AQP3: variants seen among roughly 807,000 people sequenced by gnomAD.
AQP3 encodes aquaporin 3 (Gill blood group).
Under a neutral mutation model 30.3 loss-of-function variants are expected in AQP3, and 15 were observed. That is an observed-to-expected ratio of 0.49 (90% CI 0.33 to 0.76). AQP3 has a LOEUF of 0.76. AQP3 is among the 30% of genes least tolerant of loss of function. The pLI is 0.02. For missense variants in AQP3, 272 were observed against 384.8 expected (o/e 0.71, Z 2.45); for synonymous variants, 153 against 163.2 (o/e 0.94, Z 0.47).
At chr9:33,445,309 A>C (rs1374142335) in intron 1 of AQP3, among the ~76,000 whole-genome samples, 1 of 152,186 alleles carries the variant, frequency 6.6e-6, no homozygotes, top group Non-Finnish European at 1.5e-5. Context: ...TTATGCCCAC[A>C]GAGCAGGCAG....
chr9:33,442,743 T>C, intron 4 of AQP3, 109 bp downstream of exon 4: 2 of 1,215,756 alleles, frequency 1.6e-6, no homozygotes, highest in East Asian at 4.7e-5. Flanking sequence ...CCCCACAGAT[T>C]GGAGAAACCC....
At position 33,443,056 on chromosome 9, in the gene AQP3, T is replaced by C; in HGVS notation, c.374-86A>G. 3.9e-6 allele frequency: 5 copies of C among 1,267,132 alleles called. No homozygotes were observed. Among genetic ancestry groups the C allele is most frequent in the East Asian group, 4.8e-5 (2 of 41,744 alleles). The allele number at this position is 1,267,132 out of a possible 1,614,324, so 78.5% of individuals were successfully genotyped here. A position where few individuals can be genotyped will look rare whatever the true frequency, so the allele number is the denominator to read the frequency against. ...CAGGTGTGCCCTCCCCACCCTCCCA[T>C]GAGTTATGGGTAAGTAGCAATACTG... On this transcript the variant is annotated intron_variant, in intron 3 of 5. Transcript: ENST00000297991. The surrounding 1 kb of genome is among the most constrained non-coding windows in gnomAD (Gnocchi z 5.0).
intron 1 of AQP3, among the ~76,000 whole-genome samples, chr9:33,444,599 C>CAA (rs34738732): frequency 3.5e-5 from 4 of 113,214 alleles, no homozygotes; most frequent in African/African-American, 1.4e-4. Context: ...GACTCCATCT[C>CAA]AAAAAAAAAA....
At position 33,443,086 on chromosome 9, in the gene AQP3, A is replaced by T; in HGVS notation, c.374-116T>A. The T allele has an allele frequency of 3.9e-6, 4 of 1,038,836 alleles. No individual in the cohort carries two copies. Among genetic ancestry groups the T allele is most frequent in the Non-Finnish European group, 5.9e-6 (4 of 678,494 alleles). 64.4% of individuals were successfully genotyped at this position (1,038,836 alleles called of 1,614,324 possible). A position where few individuals can be genotyped will look rare whatever the true frequency, so the allele number is the denominator to read the frequency against. ...TATGGGTAAGTAGCAATACTGCTGT[A>T]TTGCAGCAGGCAGAGGGGGTGGCGT... On this transcript the variant is annotated intron_variant, in intron 3 of 5. Transcript: ENST00000297991. The surrounding 1 kb of genome is among the most constrained non-coding windows in gnomAD (Gnocchi z 5.0).
chr9:33,441,737 ATGC>A lies in AQP3; in HGVS notation c.*303_*305del. Reference sequence around the variant, plus strand: ...CACACACACACACCCCTGCACACACATGCACACACATGCACACACATGCACACA... The same window carrying A: ...CACACACACACACCCCTGCACACACAACACACATGCACACACATGCACACA... On this transcript the variant is annotated 3_prime_UTR_variant, in exon 6 of 6. Coordinates refer to ENST00000297991, the MANE Select transcript of AQP3 (RefSeq NM_004925.5). 1 of 495,612 alleles carries A rather than the reference ATGC, an allele frequency of 2.0e-6. No individual in the cohort carries two copies. The highest frequency in any genetic ancestry group is 3.0e-5 in the East Asian group (1 of 33,318). 30.7% of individuals were successfully genotyped at this position (495,612 alleles called of 1,614,324 possible). A position where few individuals can be genotyped will look rare whatever the true frequency, so the allele number is the denominator to read the frequency against.
Position 33,443,326 on chromosome 9 carries a change from T to C in AQP3, c.368A>G (p.Tyr123Cys), listed in dbSNP as rs1826868168. Residue 123 changes from tyrosine (Y) to cysteine (C), a missense_variant, in exon 3 of 6, where the codon TAT becomes TGT. Physicochemically the swap from Tyr to Cys is radical, Grantham distance 194. Coordinates refer to ENST00000297991, the MANE Select transcript of AQP3 (RefSeq NM_004925.5). The surrounding 1 kb of genome is among the most constrained non-coding windows in gnomAD (Gnocchi z 5.0). ...FLGAGIVFGL[Y>C]YDAIWHFADN... The stretch of plus-strand genomic sequence containing the variant: ...ACAGGGTGGGGAATGCTTACCATAA[T>C]ACAGCCCAAAAACTATTCCAGCACC... 1 of 1,580,934 alleles carries C rather than the reference T, an allele frequency of 6.3e-7. No individual in the cohort carries two copies. The highest frequency in any genetic ancestry group is 2.3e-5 in the East Asian group (1 of 43,230).
chr9:33,444,078 C>T (rs7847830), intron 1 of AQP3, among the ~76,000 whole-genome samples, 186 bp from the exon 2 acceptor site: 1 of 152,222 alleles, frequency 6.6e-6, no homozygotes, highest in South Asian at 2.1e-4. Flanking sequence ...CCTTCCCACC[C>T]CACTGTCCCA....
chr9:33,443,590 T>C lies in AQP3; in HGVS notation c.236-132A>G, dbSNP rs1027686364. Reference sequence around the variant, plus strand: ...TTGGTCTATGTAACAGGTCAGCTGATAATCTCTGATTCCAAGGTGAGAGTC... The same window carrying C: ...TTGGTCTATGTAACAGGTCAGCTGACAATCTCTGATTCCAAGGTGAGAGTC... On this transcript the variant is annotated intron_variant, in intron 2 of 5. Coordinates refer to ENST00000297991, the MANE Select transcript of AQP3 (RefSeq NM_004925.5). The surrounding 1 kb of genome is among the most constrained non-coding windows in gnomAD (Gnocchi z 5.0). The C allele has an allele frequency of 2.1e-6, 3 of 1,438,346 alleles. No individual in the cohort carries two copies. Among genetic ancestry groups the C allele is most frequent in the African/African-American group, 2.8e-5 (2 of 70,922 alleles). The allele number at this position is 1,438,346 out of a possible 1,614,324, so 89.1% of individuals were successfully genotyped here.
intron 4 of AQP3, 136 bp from the exon 5 acceptor site, chr9:33,442,654 TAGAATGTCTGCGTGACA>T (rs1198507904): frequency 1.8e-6 from 2 of 1,137,850 alleles, no homozygotes; most frequent in Non-Finnish European, 2.6e-6. Flanking sequence ...GCAATGGTGC[TAGAATGTCTGCGTGACA>T]AGAACCCGCT....
intron 1 of AQP3, 130 bp downstream of exon 1, chr9:33,447,293 T>A: frequency 1.2e-6 from 1 of 817,220 alleles, no homozygotes; most frequent in South Asian, 1.5e-5. Context: ...CCTCCGCGGT[T>A]AAGCGTGGGG....
chr9:33,445,779 C>G (rs932487976), intron 1 of AQP3, among the ~76,000 whole-genome samples: 3 of 152,168 alleles, frequency 2.0e-5, no homozygotes, highest in African/African-American at 7.2e-5. Flanking sequence ...CAAAGCCAAC[C>G]CTGATTCTGC....
Position 33,443,214 on chromosome 9 carries a change from C to G in AQP3, c.373+107G>C. 6.8e-7 allele frequency: 1 copy of G among 1,474,486 alleles called. No individual in the cohort carries two copies. The allele number at this position is 1,474,486 out of a possible 1,614,324, so 91.3% of individuals were successfully genotyped here. A position where few individuals can be genotyped will look rare whatever the true frequency, so the allele number is the denominator to read the frequency against. On this transcript the variant is annotated intron_variant, in intron 3 of 5. Coordinates refer to ENST00000297991, the MANE Select transcript of AQP3 (RefSeq NM_004925.5). This position sits in a 1 kb window ranked among gnomAD's most constrained non-coding sequence, Gnocchi z 5.0. ...TGCGTGAATGAGTGAGTCATGAGCC[C>G]GGGGCCTGGGCAGGTCCTAGCCGTC...
chr9:33,442,155 G>C lies in AQP3; in HGVS notation c.767C>G (p.Ala256Gly). 6.2e-7 allele frequency: 1 copy of C among 1,613,382 alleles called. No homozygotes were observed. Among genetic ancestry groups the C allele is most frequent in the Admixed American group, 1.7e-5 (1 of 60,016 alleles). ...CATCAGCTGGTACACGAAGACACCC[G>C]CAATGGAGCCCAGGAGTGGGGACAC... ...PIVSPLLGSI[A>G]GVFVYQLMIG... is the part of the protein sequence containing the mutation. The change falls in exon 6 of 6, where the codon GCG (alanine) becomes GGG (glycine). Residue 256 changes from alanine (A) to glycine (G), a missense_variant. This residue lies in a region of AQP3 where 51 missense variants were observed against 51.8 expected (regional missense o/e 0.98). Transcript: ENST00000297991.
Position 33,441,811 on chromosome 9 carries a change from T to C in AQP3, c.*232A>G, listed in dbSNP as rs757181809. ...TCTCTTCCCTTGGGAGACAAAAGGATGTATTGACCCAAATTCCGGTTCCAC... is the reference window on the plus strand; with the variant it reads ...TCTCTTCCCTTGGGAGACAAAAGGACGTATTGACCCAAATTCCGGTTCCAC... On this transcript the variant is annotated 3_prime_UTR_variant, in exon 6 of 6. Transcript: ENST00000297991. The C allele has an allele frequency of 6.2e-6, 4 of 641,124 alleles. No individual in the cohort carries two copies. Among genetic ancestry groups the C allele is most frequent in the Non-Finnish European group, 1.1e-5 (4 of 365,920 alleles). 39.7% of individuals were successfully genotyped at this position (641,124 alleles called of 1,614,324 possible). A position where few individuals can be genotyped will look rare whatever the true frequency, so the allele number is the denominator to read the frequency against.
intron 1 of AQP3, 119 bp downstream of exon 1, chr9:33,447,304 G>T: frequency 1.1e-6 from 1 of 884,512 alleles, no homozygotes; most frequent in South Asian, 1.4e-5. Context: ...AAGCGTGGGG[G>T]TCACAGCTGG....
In AQP3 at chr9:33,442,364, G is replaced by T; in HGVS notation, c.647C>A (p.Pro216His). 1 of 1,612,348 alleles carries T rather than the reference G, an allele frequency of 6.2e-7. No homozygotes were observed. The highest frequency in any genetic ancestry group is 8.5e-7 in the Non-Finnish European group (1 of 1,179,470). ...MGFNSGYAVN[P>H]ARDFGPRLFT... Reference sequence around the variant, plus strand: ...AAGGCGGGGGCCAAAGTCCCGGGCAGGGTTGACGGCATAGCCGGAGTTGAA... The same window carrying T: ...AAGGCGGGGGCCAAAGTCCCGGGCATGGTTGACGGCATAGCCGGAGTTGAA... Residue 216 changes from proline (P) to histidine (H), a missense_variant, in exon 5 of 6, where the codon CCT (proline) becomes CAT (histidine). By Grantham distance (77) the Pro-to-His change is moderately conservative (BLOSUM62 -2). Around this residue, in one of 3 missense-constraint regions of AQP3, gnomAD observed 170 missense variants for 286.4 expected, o/e 0.59. Coordinates refer to ENST00000297991, the MANE Select transcript of AQP3 (RefSeq NM_004925.5).
In AQP3 at chr9:33,442,831, TCA is replaced by T. The variant is rs1174780423; in HGVS notation, c.492+19_492+20del. Reference sequence around the variant, plus strand: ...ACTCGGTCCCCTCCCTGCGTTCCCCTCACACGTCCCCAGCCCATACCTGGTCA... The same window carrying T: ...ACTCGGTCCCCTCCCTGCGTTCCCCTCACGTCCCCAGCCCATACCTGGTCA... On this transcript the variant is annotated intron_variant, in intron 4 of 5. Transcript: ENST00000297991. 1.2e-6 allele frequency: 2 copies of T among 1,608,690 alleles called. No individual in the cohort carries two copies. Among genetic ancestry groups the T allele is most frequent in the East Asian group, 2.2e-5 (1 of 44,852 alleles).
chr9:33,442,029 T>C lies in AQP3; in HGVS notation c.*14A>G. 1.2e-6 allele frequency: 2 copies of C among 1,611,512 alleles called. No individual in the cohort carries two copies. Among genetic ancestry groups the C allele is most frequent in the Non-Finnish European group, 1.7e-6 (2 of 1,178,724 alleles). On this transcript the variant is annotated 3_prime_UTR_variant, in exon 6 of 6. Transcript: ENST00000297991. ...AGGCCAGGGCAGCGGAGTGGGGAGA[T>C]GGCCCCTGCCCACTCAGATCTGCTC...
chr9:33,444,876 A>T (rs1826893597), intron 1 of AQP3, among the ~76,000 whole-genome samples: 1 of 152,054 alleles, frequency 6.6e-6, no homozygotes, highest in African/African-American at 2.4e-5. Context: ...ACAGACAGGG[A>T]TCTGTGTGGC....
Sources: gnomAD v4.1 joint callset for allele counts (sites outside exome capture counted in the v4.1 genomes callset) on GRCh38, gnomAD v4.1.1 for gene constraint, gnomAD v4.1.1 regional missense constraint, Gnocchi (gnomAD v3.1) non-coding constraint, MANE v1.5 for transcripts, NCBI Gene and HGNC (gene_info 2026-07-23, HGNC 2026-07-21) for gene names.